Variants in BCL7A observed in about 807,000 individuals in gnomAD.
The protein encoded by BCL7A is BAF chromatin remodeling complex subunit BCL7A, also known as B-cell CLL/lymphoma 7 protein family member A.
Under a neutral mutation model 28.4 loss-of-function variants are expected in BCL7A, and 11 were observed. The observed-to-expected ratio is 0.39, with a 90% CI of 0.24 to 0.64. BCL7A has a LOEUF of 0.64. BCL7A is among the 30% of genes least tolerant of loss of function. BCL7A has a pLI of 0.50. For missense variants in BCL7A, 222 were observed against 274.8 expected (o/e 0.81, Z 1.36); for synonymous variants, 123 against 103.3 (o/e 1.19, Z -1.15).
At chr12:122,042,838 T>G (rs1262927256) in intron 3 of BCL7A, among the ~76,000 whole-genome samples, 1 of 152,114 alleles carries the variant, frequency 6.6e-6, no homozygotes, top group African/African-American at 2.4e-5. Flanking sequence ...CTAACTAAAT[T>G]AACAACAGTT....
At chr12:122,051,217 C>T (rs1375415373) in intron 4 of BCL7A, among the ~76,000 whole-genome samples, 1 of 152,030 alleles carries the variant, frequency 6.6e-6, no homozygotes, top group Admixed American at 6.5e-5. Flanking sequence ...TCTCTGGCCA[C>T]CCCAGGCCCC....
intron 4 of BCL7A, among the ~76,000 whole-genome samples, chr12:122,047,961 T>C (rs1311550469): frequency 2.1e-5 from 3 of 142,154 alleles, no homozygotes; most frequent in Non-Finnish European, 4.5e-5. Flanking sequence ...TGGAGTGCAA[T>C]GGTGCAACCT....
intron 1 of BCL7A, among the ~76,000 whole-genome samples, chr12:122,022,543 A>G (rs1883488949): frequency 7.2e-6 from 1 of 139,834 alleles, no homozygotes; most frequent in Middle Eastern, 4.3e-3. Flanking sequence ...CGTTTTGTGC[A>G]AGTCACATGA....
At chr12:122,034,758 A>G (rs1883816025) in intron 2 of BCL7A, among the ~76,000 whole-genome samples, 1 of 151,660 alleles carries the variant, frequency 6.6e-6, no homozygotes, top group Non-Finnish European at 1.5e-5. Context: ...AAAAAAAAGA[A>G]AAAAGGAATG....
chr12:122,022,978 G>A (rs1314929665), intron 1 of BCL7A, among the ~76,000 whole-genome samples: 3 of 152,158 alleles, frequency 2.0e-5, no homozygotes, highest in East Asian at 1.9e-4. Context: ...CTCCACACCG[G>A]GAGCTCGTGT....
intron 1 of BCL7A, among the ~76,000 whole-genome samples, chr12:122,023,597 G>GC: frequency 6.6e-6 from 1 of 152,344 alleles, no homozygotes; most frequent in East Asian, 1.9e-4. Context: ...CGTGGGCTGG[G>GC]TTTGGCTCCA....
chr12:122,056,107 C>T (rs78615729), intron 5 of BCL7A, among the ~76,000 whole-genome samples: 5,770 of 152,246 alleles, frequency 0.038, 315 homozygotes, highest in African/African-American at 0.13. Context: ...ATTCTTGCAG[C>T]GTGCAGTGAG....
rs977321361 is a variant in BCL7A, at chr12:122,060,139, T to C, written c.*976T>C. 1 of 232,988 alleles carries C rather than the reference T, an allele frequency of 4.3e-6. No individual in the cohort carries two copies. Among genetic ancestry groups the C allele is most frequent in the Non-Finnish European group, 8.5e-6 (1 of 117,706 alleles). 14.4% of individuals were successfully genotyped at this position (232,988 alleles called of 1,614,324 possible). A position where few individuals can be genotyped will look rare whatever the true frequency, so the allele number is the denominator to read the frequency against. ...GCGGCAGGATTAGCTGGTGCTGAACTTTCTCTCATAGGACGTCGCTTGGAT... is the reference window on the plus strand; with the variant it reads ...GCGGCAGGATTAGCTGGTGCTGAACCTTCTCTCATAGGACGTCGCTTGGAT... On this transcript the variant is annotated 3_prime_UTR_variant, in exon 6 of 6. Coordinates refer to ENST00000261822, the MANE Select transcript of BCL7A (RefSeq NM_001024808.3).
intron 1 of BCL7A, among the ~76,000 whole-genome samples, chr12:122,030,183 A>G (rs1036648939): frequency 1.2e-4 from 18 of 152,318 alleles, no homozygotes; most frequent in African/African-American, 4.1e-4. Flanking sequence ...CACGAAGGGC[A>G]TTCTTCCGGC....
chr12:122,027,476 G>C (rs368591260), intron 1 of BCL7A, among the ~76,000 whole-genome samples: 1 of 152,142 alleles, frequency 6.6e-6, no homozygotes, highest in East Asian at 1.9e-4. Context: ...GGAGGTCGAG[G>C]CTGCAGTGAG....
chr12:122,023,826 G>T (rs920602203), intron 1 of BCL7A, among the ~76,000 whole-genome samples: 1 of 152,284 alleles, frequency 6.6e-6, no homozygotes, highest in African/African-American at 2.4e-5. Flanking sequence ...GCCCGGAGTT[G>T]CTCCCCTCCT....
At chr12:122,048,346 TG>T (rs1884119182) in intron 4 of BCL7A, among the ~76,000 whole-genome samples, 1 of 152,152 alleles carries the variant, frequency 6.6e-6, no homozygotes, top group South Asian at 2.1e-4. Flanking sequence ...TGGCCCCTCA[TG>T]GGGCTTTTGA....
intron 2 of BCL7A, among the ~76,000 whole-genome samples, chr12:122,034,040 A>G (rs1883795306): frequency 6.6e-6 from 1 of 151,066 alleles, no homozygotes; most frequent in Non-Finnish European, 1.5e-5. Context: ...CCTGGAGGCA[A>G]CCAGTGTTGC....
intron 1 of BCL7A, among the ~76,000 whole-genome samples, chr12:122,023,713 C>G (rs2135834971): frequency 6.6e-6 from 1 of 152,244 alleles, no homozygotes; most frequent in Middle Eastern, 3.4e-3. Context: ...GTGCCCGGTG[C>G]CCGACTGGAG....
chr12:122,022,705 C>T (rs1176351096), intron 1 of BCL7A, among the ~76,000 whole-genome samples: 1 of 148,544 alleles, frequency 6.7e-6, no homozygotes, highest in African/African-American at 2.4e-5. Flanking sequence ...CCGGCCCGCC[C>T]GGCCGCCCGC....
chr12:122,050,840 G>C (rs1200539009), intron 4 of BCL7A, among the ~76,000 whole-genome samples: 1 of 152,246 alleles, frequency 6.6e-6, no homozygotes. Context: ...TCCCTCGCCG[G>C]GAGCGAAGGG....
intron 4 of BCL7A, among the ~76,000 whole-genome samples, chr12:122,045,961 C>T (rs1409967506): frequency 3.4e-5 from 5 of 147,674 alleles, no homozygotes; most frequent in Admixed American, 2.1e-4. Context: ...TGGTGGCATG[C>T]GCCTGTAGTC....
chr12:122,053,539 C>T lies in BCL7A; in HGVS notation c.440-1266C>T, dbSNP rs370194080. On this transcript the variant is annotated intron_variant, in intron 4 of 5. Transcript: ENST00000261822. Reference sequence around the variant, plus strand: ...GGTCGCACAGGCATTCTCTAGGATTCGTTTCGTGTGTGCTTTTTAACATCA... The same window carrying T: ...GGTCGCACAGGCATTCTCTAGGATTTGTTTCGTGTGTGCTTTTTAACATCA... 5.9e-5 allele frequency among the ~76,000 whole-genome samples: 9 copies of T among 152,296 alleles called. No individual in the cohort carries two copies. The East Asian group carries it at 1.7e-3, about 29-fold the overall frequency.
intron 1 of BCL7A, among the ~76,000 whole-genome samples, chr12:122,030,064 G>T (rs1335413860): frequency 6.6e-6 from 1 of 152,158 alleles, no homozygotes; most frequent in Non-Finnish European, 1.5e-5. Context: ...GTCACTAGGA[G>T]CCCTGAATCA....
Sources: gnomAD v4.1 joint callset for allele counts (sites outside exome capture counted in the v4.1 genomes callset) on GRCh38, gnomAD v4.1.1 for gene constraint, MANE v1.5 for transcripts, NCBI Gene and HGNC (gene_info 2026-07-23, HGNC 2026-07-21) for gene names.